CDC42BPA: variants seen among roughly 807,000 people sequenced by gnomAD.
CDC42BPA encodes the protein CDC42 binding protein kinase alpha.
Under a neutral mutation model 223.5 loss-of-function variants are expected in CDC42BPA, and 80 were observed. That is an observed-to-expected ratio of 0.36 (90% CI 0.30 to 0.43). The LOEUF is 0.43. Ranked by LOEUF, CDC42BPA falls within the 20% of genes least tolerant of loss-of-function variation. The pLI is 1.00. For missense variants in CDC42BPA, 1,743 were observed against 2,099.9 expected (o/e 0.83, Z 3.32); for synonymous variants, 694 against 718.6 (o/e 0.97, Z 0.55).
chr1:227,017,900 G>A (rs1021339831), intron 32 of CDC42BPA, among the ~76,000 whole-genome samples: 7 of 152,114 alleles, frequency 4.6e-5, no homozygotes, highest in Admixed American at 2.6e-4. Flanking sequence ...TGAGAAGGAG[G>A]AGGTGAGAAG....
chr1:227,051,732 C>T, intron 22 of CDC42BPA, 149 bp downstream of exon 22: 3 of 373,492 alleles, frequency 8.0e-6, no homozygotes, highest in Non-Finnish European at 1.6e-5. Flanking sequence ...TTACTTCTAC[C>T]TACATTATCA....
At chr1:227,141,581 T>C (rs960543832) in intron 9 of CDC42BPA, among the ~76,000 whole-genome samples, 4 of 152,164 alleles carry the variant, frequency 2.6e-5, no homozygotes, top group Non-Finnish European at 4.4e-5. Context: ...TGTCTGCGGT[T>C]TGCCTCAATC....
chr1:227,074,389 A>C (rs1272727531), intron 17 of CDC42BPA, 25 bp from the exon 18 acceptor site: 4 of 1,552,906 alleles, frequency 2.6e-6, no homozygotes, highest in Non-Finnish European at 3.5e-6. Context: ...GACAAAGTAC[A>C]AAAGTAAAAC....
At chr1:227,107,323 T>A (rs116085497) in intron 14 of CDC42BPA, among the ~76,000 whole-genome samples, 1 of 152,350 alleles carries the variant, frequency 6.6e-6, no homozygotes, top group Non-Finnish European at 1.5e-5. Context: ...CTTAACATTC[T>A]TTGCAGACTG....
intron 21 of CDC42BPA, among the ~76,000 whole-genome samples, chr1:227,053,975 C>G (rs6681959): frequency 0.14 from 21,451 of 152,074 alleles, 1,903 homozygotes; most frequent in South Asian, 0.34. Flanking sequence ...TAAAATGGAA[C>G]TGAGAAGCAA....
intron 10 of CDC42BPA, among the ~76,000 whole-genome samples, chr1:227,133,166 C>T (rs2102633): frequency 0.72 from 98,815 of 137,502 alleles, 35,953 homozygotes; most frequent in South Asian, 0.87. Context: ...CTACTGGGAA[C>T]TGAGGAACCC....
At chr1:227,047,438 G>C (rs746184553) in intron 23 of CDC42BPA, among the ~76,000 whole-genome samples, 91 of 151,954 alleles carry the variant, frequency 6.0e-4, no homozygotes, top group Non-Finnish European at 1.2e-3. Flanking sequence ...TTATGTTCTG[G>C]AGAGGCAGAT....
intron 28 of CDC42BPA, 37 bp downstream of exon 28, chr1:227,031,261 C>T (rs776593860): frequency 2.9e-5 from 44 of 1,510,500 alleles, no homozygotes; most frequent in Non-Finnish European, 3.9e-5. Flanking sequence ...GATTAGTAAA[C>T]AATGATAATA....
chr1:227,311,605 T>C (rs1390558321), intron 1 of CDC42BPA, among the ~76,000 whole-genome samples: 1 of 151,880 alleles, frequency 6.6e-6, no homozygotes, highest in African/African-American at 2.4e-5. Context: ...CAATGCCCAT[T>C]AGCCCAAACT....
chr1:227,012,914 A>G (rs994625126), intron 34 of CDC42BPA, among the ~76,000 whole-genome samples: 8 of 152,140 alleles, frequency 5.3e-5, no homozygotes, highest in African/African-American at 1.9e-4. Context: ...TCCGGGCACA[A>G]AGTAAGTGCT....
chr1:227,215,278 G>A (rs1021761700), intron 2 of CDC42BPA, among the ~76,000 whole-genome samples: 30 of 152,118 alleles, frequency 2.0e-4, no homozygotes, highest in Middle Eastern at 3.2e-3. Context: ...TGGCTGTTTT[G>A]GGGAGTGGTG....
Position 227,256,938 on chromosome 1 carries a change from T to TACACACACACACACACACAC in CDC42BPA, c.179-2784_179-2783insGTGTGTGTGTGTGTGTGTGT, listed in dbSNP as rs1442280387. On this transcript the variant is annotated intron_variant, in intron 1 of 36. Transcript: ENST00000366766. ...ATGAACAGATAAACAAAATGTGATA[T>TACACACACACACACACACAC]ATATATACAGACACACACACACACA... 1.4e-3 allele frequency among the ~76,000 whole-genome samples: 174 copies of TACACACACACACACACACAC among 120,064 alleles called. 6 individuals are homozygous for TACACACACACACACACACAC. Among genetic ancestry groups the TACACACACACACACACACAC allele is most frequent in the Middle Eastern group, 8.1e-3 (2 of 248 alleles). 78.8% of individuals were successfully genotyped at this position (120,064 alleles called of 152,430 possible).
intron 29 of CDC42BPA, among the ~76,000 whole-genome samples, chr1:227,029,953 G>C (rs1668954831): frequency 6.6e-6 from 1 of 152,058 alleles, no homozygotes; most frequent in Admixed American, 6.6e-5. Flanking sequence ...TGGCCAACAT[G>C]GAGAAACCTC....
intron 10 of CDC42BPA, among the ~76,000 whole-genome samples, chr1:227,138,521 A>G (rs1659059675): frequency 7.2e-6 from 1 of 138,190 alleles, no homozygotes; most frequent in African/African-American, 2.7e-5. Context: ...GTGCCCCAGA[A>G]GCCAAAAAAA....
Position 227,203,899 on chromosome 1 carries a change from ATTC to A in CDC42BPA, c.355-4250_355-4248del, listed in dbSNP as rs1419600764. Reference sequence around the variant, plus strand: ...GGTAATTCTGGAAAGTTGACACAGGATTCTCTTCATCGTATTGATAAGATGCAC... The same window carrying A: ...GGTAATTCTGGAAAGTTGACACAGGATCTTCATCGTATTGATAAGATGCAC... On this transcript the variant is annotated intron_variant, in intron 3 of 36. Transcript: ENST00000366766. Among the ~76,000 whole-genome samples, 10 of 152,304 alleles carry A rather than the reference ATTC, an allele frequency of 6.6e-5. 1 individual carries two copies. The East Asian group carries it at 1.9e-3, about 29-fold the overall frequency.
At chr1:227,118,194 T>A (rs571886008) in intron 12 of CDC42BPA, among the ~76,000 whole-genome samples, 35 of 152,294 alleles carry the variant, frequency 2.3e-4, no homozygotes, top group African/African-American at 7.7e-4. Context: ...CAGTTTGGCA[T>A]TATAAAAAAT....
Position 227,080,845 on chromosome 1 carries a change from C to T in CDC42BPA, c.2480+48G>A, listed in dbSNP as rs560685551. On this transcript the variant is annotated intron_variant, in intron 17 of 36. Transcript: ENST00000366766. ...CCACCTGGAATTCATACCAACTTGG[C>T]CACATACTCACAATCATCCACAAAA... is the stretch of plus-strand genomic sequence containing the variant. 1.6e-5 allele frequency: 25 copies of T among 1,606,736 alleles called. No individual in the cohort carries two copies. The South Asian group carries it at 2.5e-4, about 16-fold the overall frequency.
At chr1:227,129,832 A>G (rs1266609124) in intron 10 of CDC42BPA, among the ~76,000 whole-genome samples, 1 of 151,906 alleles carries the variant, frequency 6.6e-6, no homozygotes, top group Non-Finnish European at 1.5e-5. Context: ...GTGATAACTC[A>G]AAAGCCTGGT....
At chr1:227,186,462 C>T (rs1377001533) in intron 5 of CDC42BPA, among the ~76,000 whole-genome samples, 2 of 152,116 alleles carry the variant, frequency 1.3e-5, no homozygotes, top group Non-Finnish European at 2.9e-5. Context: ...AGGGGCAATA[C>T]CCAAGTCTGG....
Sources: allele counts gnomAD v4.1 joint callset (sites outside exome capture counted in the v4.1 genomes callset), GRCh38; gene constraint gnomAD v4.1.1; transcripts MANE v1.5; gene names NCBI Gene and HGNC (gene_info 2026-07-23, HGNC 2026-07-21).